Variants in MARCHF5 observed in about 807,000 individuals in gnomAD.
The protein encoded by MARCHF5 is membrane associated ring-CH-type finger 5.
In MARCHF5, 5 loss-of-function variants were observed where a neutral mutation model predicts 36.5. The ratio of observed to expected loss-of-function variants is 0.14; its 90% CI spans 0.07 to 0.29. MARCHF5 has a LOEUF of 0.29. MARCHF5 is among the 10% of genes least tolerant of loss of function. The pLI is 1.00. For synonymous variants in MARCHF5, 103 were observed against 109.9 expected (o/e 0.94, Z 0.39); for missense variants, 179 against 336.3 (o/e 0.53, Z 3.66).
intron 1 of MARCHF5, among the ~76,000 whole-genome samples, chr10:92,303,633 A>G (rs982353210): frequency 1.3e-5 from 2 of 152,176 alleles, no homozygotes; most frequent in Non-Finnish European, 2.9e-5. Flanking sequence ...TAGGTACTCA[A>G]GTGGATTTAG....
At chr10:92,319,662 T>G (rs1361294823) in intron 2 of MARCHF5, among the ~76,000 whole-genome samples, 1 of 19,700 alleles carries the variant, frequency 5.1e-5, no homozygotes, top group Non-Finnish European at 9.1e-5. Flanking sequence ...TTGTTTTTTG[T>G]TTTTTTTTCT....
intron 1 of MARCHF5, among the ~76,000 whole-genome samples, chr10:92,295,414 A>T (rs2771263): frequency 0.57 from 60,795 of 106,336 alleles, 17,907 homozygotes; most frequent in Non-Finnish European, 0.7. Context: ...TTTATTTTTT[A>T]TTTTTTTTTT....
intron 2 of MARCHF5, among the ~76,000 whole-genome samples, chr10:92,323,887 A>G (rs766277047): frequency 3.9e-5 from 6 of 152,228 alleles, no homozygotes; most frequent in Non-Finnish European, 8.8e-5. Flanking sequence ...TTGTGTGGAC[A>G]TAAATTTTCA....
intron 2 of MARCHF5, among the ~76,000 whole-genome samples, chr10:92,325,679 T>A (rs1273209179): frequency 4.6e-5 from 7 of 152,180 alleles, no homozygotes; most frequent in African/African-American, 1.2e-4. Context: ...ATTTTATTAT[T>A]TATGTATTAT....
chr10:92,304,607 G>C lies in MARCHF5; in HGVS notation c.36-6528G>C, dbSNP rs146565835. On this transcript the variant is annotated intron_variant, in intron 1 of 5. Coordinates refer to ENST00000358935, the MANE Select transcript of MARCHF5 (RefSeq NM_017824.5). ...TTTAGCTCATTGTAATTTGAAATTA[G>C]TTATTTCGGGATCTCTACAGCTGTA... Among the ~76,000 whole-genome samples the C allele has an allele frequency of 9.2e-4, 140 of 152,234 alleles. 1 individual carries two copies. The highest frequency in any genetic ancestry group is 3.2e-3 in the African/African-American group (134 of 41,534).
chr10:92,307,382 G>A (rs12415363), intron 1 of MARCHF5, among the ~76,000 whole-genome samples: 1 of 151,992 alleles, frequency 6.6e-6, no homozygotes, highest in African/African-American at 2.4e-5. Context: ...TTCCATACTA[G>A]GTAGATTAAA....
At chr10:92,313,829 G>T (rs180755710) in intron 2 of MARCHF5, among the ~76,000 whole-genome samples, 11 of 152,252 alleles carry the variant, frequency 7.2e-5, no homozygotes, top group Admixed American at 5.9e-4. Flanking sequence ...TGAGGTGGAG[G>T]CCACAGTGAG....
chr10:92,308,206 G>T (rs551129355), intron 1 of MARCHF5, among the ~76,000 whole-genome samples: 1 of 152,072 alleles, frequency 6.6e-6, no homozygotes, highest in Non-Finnish European at 1.5e-5. Context: ...CTCCCAAAGT[G>T]CTGGGATTAT....
Position 92,311,406 on chromosome 10 carries a change from T to G in MARCHF5, c.238+69T>G, listed in dbSNP as rs183237078. ...TATATATAACTTTATAAGTTCATTT[T>G]AAAATGAACCACCTCTTTTTTTTAG... is the stretch of plus-strand genomic sequence containing the variant. On this transcript the variant is annotated intron_variant, in intron 2 of 5. Coordinates refer to ENST00000358935, the MANE Select transcript of MARCHF5 (RefSeq NM_017824.5). 4.6e-6 allele frequency: 5 copies of G among 1,092,244 alleles called. No homozygotes were observed. In the Admixed American group the frequency reaches 1.1e-4, roughly 25 times the overall value. The allele number at this position is 1,092,244 out of a possible 1,614,324, so 67.7% of individuals were successfully genotyped here. A position where few individuals can be genotyped will look rare whatever the true frequency, so the allele number is the denominator to read the frequency against.
chr10:92,335,516 C>A (rs929273853), intron 2 of MARCHF5, among the ~76,000 whole-genome samples: 22 of 152,084 alleles, frequency 1.4e-4, no homozygotes, highest in African/African-American at 5.1e-4. Flanking sequence ...TCTGGAAAAG[C>A]CTTAAGAGAT....
chr10:92,340,325 A>G (rs1020591702), intron 2 of MARCHF5, among the ~76,000 whole-genome samples: 4 of 152,234 alleles, frequency 2.6e-5, no homozygotes, highest in African/African-American at 9.6e-5. Flanking sequence ...ATTCGTGCAA[A>G]TGACTGAGAA....
intron 2 of MARCHF5, among the ~76,000 whole-genome samples, chr10:92,337,414 T>TGAGGCAGGAGAATCGCTTGAACCCAG (rs1392540162): frequency 1.3e-5 from 2 of 151,938 alleles, no homozygotes; most frequent in Non-Finnish European, 2.9e-5. Flanking sequence ...CTCAGGAGGC[T>TGAGGCAGGAGAATCGCTTGAACCCAG]GAGGCAGGAG....
intron 3 of MARCHF5, among the ~76,000 whole-genome samples, chr10:92,344,865 C>T (rs1419033989): frequency 6.6e-6 from 1 of 152,026 alleles, no homozygotes; most frequent in Non-Finnish European, 1.5e-5. Context: ...CTGTATTGAA[C>T]ACCTAGCACT....
In MARCHF5 at chr10:92,340,990, C is replaced by T. The variant is rs1473703282; in HGVS notation, c.369+187C>T. Among the ~76,000 whole-genome samples, 19 of 151,972 alleles carry T rather than the reference C, an allele frequency of 1.3e-4. 1 individual carries two copies. The highest frequency in any genetic ancestry group is 1.2e-3 in the Admixed American group (19 of 15,270). On this transcript the variant is annotated intron_variant, in intron 3 of 5. Transcript: ENST00000358935. The stretch of plus-strand genomic sequence containing the variant: ...TATTATAGCTGTATCTCCCTTTTTT[C>T]ATAGTGAATCTTAGAGATCATTTCA...
intron 1 of MARCHF5, among the ~76,000 whole-genome samples, chr10:92,291,772 G>A (rs1842871268): frequency 6.6e-6 from 1 of 152,190 alleles, no homozygotes; most frequent in South Asian, 2.1e-4. Flanking sequence ...TTGGAACCCC[G>A]TTTTGACCTG....
At chr10:92,327,603 G>T (rs1843380544) in intron 2 of MARCHF5, among the ~76,000 whole-genome samples, 1 of 152,182 alleles carries the variant, frequency 6.6e-6, no homozygotes, top group African/African-American at 2.4e-5. Context: ...CTTTTGTAGA[G>T]ATTACACCCA....
At chr10:92,291,674 T>TG in intron 1 of MARCHF5, 145 bp downstream of exon 1, 1 of 1,267,672 alleles carries the variant, frequency 7.9e-7, no homozygotes, top group Non-Finnish European at 1.0e-6. Flanking sequence ...GCAAAAAGTT[T>TG]GGAGTCTAGA....
At chr10:92,348,524 A>G (rs1843683278) in intron 3 of MARCHF5, among the ~76,000 whole-genome samples, 3 of 152,136 alleles carry the variant, frequency 2.0e-5, no homozygotes, top group African/African-American at 7.2e-5. Context: ...TTTAAGGCCA[A>G]GATTGATGTG....
chr10:92,328,821 A>ATATT (rs372130854), intron 2 of MARCHF5, among the ~76,000 whole-genome samples: 26 of 122,420 alleles, frequency 2.1e-4, no homozygotes, highest in African/African-American at 4.7e-4. Flanking sequence ...ATATATATAT[A>ATATT]TTTTTTTTTT....
Sources: gnomAD v4.1 joint callset for allele counts (sites outside exome capture counted in the v4.1 genomes callset) on GRCh38, gnomAD v4.1.1 for gene constraint, MANE v1.5 for transcripts, NCBI Gene and HGNC (gene_info 2026-07-23, HGNC 2026-07-21) for gene names.